The following MACROD2 variants were observed in gnomAD, a reference collection of about 807,000 sequenced individuals.
MACROD2 encodes the protein ADP-ribose glycohydrolase MACROD2.
In MACROD2, 36 loss-of-function variants were observed where a neutral mutation model predicts 70.4. The observed-to-expected ratio is 0.51, with a 90% CI of 0.39 to 0.68. The LOEUF (loss-of-function observed/expected upper bound fraction) is 0.68, where lower values mean the gene tolerates loss of function less well. Among genes scored for constraint, MACROD2 ranks in the 30% least tolerant of loss-of-function variants. The pLI is 0.00. For synonymous variants in MACROD2, 172 were observed against 178.8 expected (o/e 0.96, Z 0.30); for missense variants, 496 against 538.4 (o/e 0.92, Z 0.78).
intron 5 of MACROD2, among the ~76,000 whole-genome samples, chr20:15,066,426 G>A (rs991643700): frequency 4.6e-5 from 7 of 151,888 alleles, no homozygotes; most frequent in African/African-American, 1.2e-4. Context: ...GAGCCACTGC[G>A]CCCAGCCAAC....
chr20:14,865,761 T>C (rs1311645546), intron 5 of MACROD2, among the ~76,000 whole-genome samples: 2 of 152,164 alleles, frequency 1.3e-5, no homozygotes, highest in Non-Finnish European at 2.9e-5. Context: ...ATTGCTCACC[T>C]GAAATAAAGC....
intron 8 of MACROD2, among the ~76,000 whole-genome samples, chr20:15,564,241 G>A (rs1233745): frequency 0.92 from 140,296 of 152,196 alleles, 65,295 homozygotes; most frequent in Non-Finnish European, 0.98. Context: ...AGTGCATCTA[G>A]GAACCTTCGC....
intron 6 of MACROD2, among the ~76,000 whole-genome samples, chr20:15,391,610 T>G (rs1429212573): frequency 6.6e-6 from 1 of 152,184 alleles, no homozygotes; most frequent in East Asian, 1.9e-4. Context: ...AGAAGGGCAT[T>G]TATTGGGATT....
chr20:15,459,612 G>T (rs564909337), intron 7 of MACROD2, among the ~76,000 whole-genome samples: 8 of 152,128 alleles, frequency 5.3e-5, no homozygotes, highest in African/African-American at 1.9e-4. Flanking sequence ...TTCTAAGAGC[G>T]ATGGAAGAAG....
chr20:14,600,754 G>A (rs772401166), intron 4 of MACROD2, among the ~76,000 whole-genome samples: 6 of 152,146 alleles, frequency 3.9e-5, no homozygotes, highest in Non-Finnish European at 7.3e-5. Flanking sequence ...CTGCTCCTGA[G>A]CAGGCTTTAT....
At chr20:15,283,157 A>G (rs2077460932) in intron 6 of MACROD2, among the ~76,000 whole-genome samples, 1 of 152,166 alleles carries the variant, frequency 6.6e-6, no homozygotes, top group African/African-American at 2.4e-5. Flanking sequence ...CTTTTGACAC[A>G]TTGGGATTAT....
chr20:14,696,317 G>GCT lies in MACROD2; in HGVS notation c.418+11361_418+11362dup, dbSNP rs200607600. On this transcript the variant is annotated intron_variant, in intron 5 of 17. Coordinates refer to ENST00000684519, the MANE Select transcript of MACROD2 (RefSeq NM_001351661.2). Reference sequence around the variant, plus strand: ...CCTACTCCTGTTACTCCTTGACCATGCTCTAGTCTTTACCTTTGCCACTCA... The same window carrying GCT: ...CCTACTCCTGTTACTCCTTGACCATGCTCTCTAGTCTTTACCTTTGCCACTCA... Among the ~76,000 whole-genome samples the GCT allele has an allele frequency of 2.6e-5, 4 of 152,208 alleles. No individual in the cohort carries two copies. The South Asian group carries it at 8.3e-4, about 32-fold the overall frequency.
At chr20:14,745,213 A>G (rs1235849609) in intron 5 of MACROD2, among the ~76,000 whole-genome samples, 1 of 152,164 alleles carries the variant, frequency 6.6e-6, no homozygotes, top group East Asian at 1.9e-4. Context: ...AAAAATCTTT[A>G]TCCTCCAGAA....
intron 3 of MACROD2, among the ~76,000 whole-genome samples, chr20:14,108,640 T>A (rs1007380345): frequency 6.6e-6 from 1 of 152,116 alleles, no homozygotes; most frequent in Admixed American, 6.6e-5. Context: ...CAAAATAGAT[T>A]TCAAGACAAA....
At chr20:14,161,819 C>T (rs974530633) in intron 3 of MACROD2, among the ~76,000 whole-genome samples, 18 of 152,140 alleles carry the variant, frequency 1.2e-4, no homozygotes, top group Admixed American at 9.2e-4. Flanking sequence ...TAGTCTCGAT[C>T]TCCTGACCTC....
At chr20:14,106,090 G>A (rs1462822963) in intron 3 of MACROD2, among the ~76,000 whole-genome samples, 3 of 152,148 alleles carry the variant, frequency 2.0e-5, no homozygotes, top group East Asian at 3.9e-4. Flanking sequence ...AAAAACAGAG[G>A]GGCCACAGTG....
intron 5 of MACROD2, among the ~76,000 whole-genome samples, chr20:14,970,642 T>A (rs1256155173): frequency 2.0e-5 from 3 of 151,910 alleles, no homozygotes; most frequent in Admixed American, 6.6e-5. Flanking sequence ...TTTTAAAAAA[T>A]TTATTTAGTC....
intron 2 of MACROD2, among the ~76,000 whole-genome samples, chr20:14,082,352 GT>G (rs1197716817): frequency 1.6e-5 from 2 of 127,518 alleles, no homozygotes; most frequent in Non-Finnish European, 3.4e-5. Context: ...CTAATTTTTT[GT>G]ATTTTTTTTT....
At chr20:14,936,683 G>A (rs1350755106) in intron 5 of MACROD2, among the ~76,000 whole-genome samples, 1 of 151,818 alleles carries the variant, frequency 6.6e-6, no homozygotes, top group East Asian at 1.9e-4. Flanking sequence ...ACTCATGCAT[G>A]TGAAGGGCCC....
intron 3 of MACROD2, among the ~76,000 whole-genome samples, chr20:14,399,145 G>A (rs1178137158): frequency 6.6e-6 from 1 of 151,236 alleles, no homozygotes; most frequent in Non-Finnish European, 1.5e-5. Context: ...TCAGCCTTCC[G>A]AGTAGCTGGG....
At chr20:14,116,649 C>A (rs1252912128) in intron 3 of MACROD2, among the ~76,000 whole-genome samples, 1 of 152,240 alleles carries the variant, frequency 6.6e-6, no homozygotes, top group East Asian at 1.9e-4. Context: ...CACCTTCCAG[C>A]AGACTGTGTT....
At chr20:15,659,133 T>C (rs2049778580) in intron 8 of MACROD2, among the ~76,000 whole-genome samples, 4 of 152,110 alleles carry the variant, frequency 2.6e-5, no homozygotes, top group African/African-American at 9.7e-5. Context: ...TTTCCCACTG[T>C]ATATGATGTC....
chr20:15,536,869 A>G (rs2047882141), intron 8 of MACROD2, among the ~76,000 whole-genome samples: 2 of 152,120 alleles, frequency 1.3e-5, no homozygotes, highest in South Asian at 4.1e-4. Context: ...TCTTGTTTAT[A>G]ATGCTTAAGT....
chr20:15,206,066 T>TTGTGTG lies in MACROD2; in HGVS notation c.419-23863_419-23858dup, dbSNP rs536118588. 2.0e-5 allele frequency among the ~76,000 whole-genome samples: 3 copies of TTGTGTG among 151,532 alleles called. No homozygotes were observed. The South Asian group carries it at 6.2e-4, about 31-fold the overall frequency. On this transcript the variant is annotated intron_variant, in intron 5 of 17. Coordinates refer to ENST00000684519, the MANE Select transcript of MACROD2 (RefSeq NM_001351661.2). ...TGTAATGAGAAGGTACCCCTTTGCC[T>TTGTGTG]TGTGTGTGTGTGTGTGATGACAAGC...
Sources: gnomAD v4.1 joint callset for allele counts (sites outside exome capture counted in the v4.1 genomes callset) on GRCh38, gnomAD v4.1.1 for gene constraint, MANE v1.5 for transcripts, NCBI Gene and HGNC (gene_info 2026-07-23, HGNC 2026-07-21) for gene names.